The following GANC variants were observed in gnomAD, a reference collection of about 807,000 sequenced individuals.
GANC encodes the protein neutral alpha-glucosidase C.
A neutral mutation model predicts 124.2 loss-of-function variants in GANC; 117 were observed. The observed-to-expected ratio is 0.94, with a 90% CI of 0.81 to 1.10. The LOEUF (loss-of-function observed/expected upper bound fraction) is 1.10, where lower values mean the gene tolerates loss of function less well. GANC is among the 50% of genes least tolerant of loss of function. The probability of loss-of-function intolerance (pLI) is 0.00; values close to 1 mark genes in which losing one functional copy is unlikely to be tolerated. For synonymous variants in GANC, 377 were observed against 376.8 expected (o/e 1.00, Z -0.01); for missense variants, 1,140 against 1,095.0 (o/e 1.04, Z -0.58).
intron 10 of GANC, among the ~76,000 whole-genome samples, chr15:42,311,469 C>T (rs2052048977): frequency 6.6e-6 from 1 of 152,084 alleles, no homozygotes; most frequent in Non-Finnish European, 1.5e-5. Flanking sequence ...ATATATTAAT[C>T]CACTCTCACA....
intron 3 of GANC, among the ~76,000 whole-genome samples, chr15:42,281,436 CA>C (rs10718485): frequency 0.72 from 109,454 of 151,994 alleles, 42,205 homozygotes; most frequent in Non-Finnish European, 0.86. Context: ...ATAATCCCAG[CA>C]CTTTGGGAGG....
At chr15:42,337,672 C>T (rs148936092) in intron 15 of GANC, among the ~76,000 whole-genome samples, 15 of 152,294 alleles carry the variant, frequency 9.8e-5, no homozygotes, top group East Asian at 3.9e-4. Flanking sequence ...CTGTGACACA[C>T]GAGTTTACCA....
In GANC at chr15:42,281,231, C is replaced by T. The variant is rs1293008303; in HGVS notation, c.201+2641C>T. ...TTCGGGAGATCACCCTGAAATTCTG[C>T]ACTGAACTCCATTTTAATGTCCTCC... On this transcript the variant is annotated intron_variant, in intron 3 of 23. Coordinates refer to ENST00000318010, the MANE Select transcript of GANC (RefSeq NM_198141.3). 8 of 639,760 alleles carry T rather than the reference C, an allele frequency of 1.3e-5. No homozygotes were observed. The East Asian group carries it at 1.4e-4, about 11-fold the overall frequency. The allele number at this position is 639,760 out of a possible 1,614,324, so 39.6% of individuals were successfully genotyped here. A position where few individuals can be genotyped will look rare whatever the true frequency, so the allele number is the denominator to read the frequency against.
intron 15 of GANC, among the ~76,000 whole-genome samples, chr15:42,337,880 G>T (rs906136520): frequency 6.6e-6 from 1 of 152,064 alleles, no homozygotes; most frequent in African/African-American, 2.4e-5. Context: ...TGGCCAACAT[G>T]GTGAAACCCC....
rs1335276449 is a variant in GANC at position 42,353,352 on chromosome 15, A to G, written c.*1213A>G. 9 of 985,932 alleles carry G rather than the reference A, an allele frequency of 9.1e-6. No individual in the cohort carries two copies. The African/African-American group carries it at 1.2e-4, about 13-fold the overall frequency. The allele number at this position is 985,932 out of a possible 1,614,324, so 61.1% of individuals were successfully genotyped here. ...ATCCTCCTGCCCTTACCATCCTTCC[A>G]GGCCCAACTTAAATCCCACTTTCCC... is the stretch of plus-strand genomic sequence containing the variant. On this transcript the variant is annotated 3_prime_UTR_variant, in exon 24 of 24. Transcript: ENST00000318010.
chr15:42,285,451 G>A (rs1055174540), intron 3 of GANC, among the ~76,000 whole-genome samples: 1 of 152,176 alleles, frequency 6.6e-6, no homozygotes, highest in Non-Finnish European at 1.5e-5. Context: ...AGGAGGAAAT[G>A]CATACTAAGG....
chr15:42,286,073 T>A (rs2051784800), intron 3 of GANC, among the ~76,000 whole-genome samples: 1 of 151,916 alleles, frequency 6.6e-6, no homozygotes, highest in Admixed American at 6.6e-5. Context: ...AGTGAATAAC[T>A]AAATGTAAAT....
intron 6 of GANC, among the ~76,000 whole-genome samples, chr15:42,301,549 G>A (rs1322679434): frequency 6.6e-6 from 1 of 151,926 alleles, no homozygotes; most frequent in East Asian, 1.9e-4. Context: ...GGAGCCAAGT[G>A]GTCTAGCTCA....
At chr15:42,300,941 C>A (rs1451535134) in intron 6 of GANC, among the ~76,000 whole-genome samples, 1 of 151,530 alleles carries the variant, frequency 6.6e-6, no homozygotes, top group Non-Finnish European at 1.5e-5. Flanking sequence ...TCACATGAAC[C>A]TGGGAGGTGG....
intron 20 of GANC, among the ~76,000 whole-genome samples, 161 bp downstream of exon 20, chr15:42,345,993 T>C (rs113932115): frequency 0.097 from 14,751 of 152,270 alleles, 838 homozygotes; most frequent in South Asian, 0.18. Context: ...CAGCCGATTC[T>C]GTTCCTGGTG....
chr15:42,332,635 C>G (rs962924267), intron 15 of GANC, among the ~76,000 whole-genome samples: 1 of 152,052 alleles, frequency 6.6e-6, no homozygotes, highest in African/African-American at 2.4e-5. Context: ...ATACGGATTT[C>G]AAAATCATTA....
At position 42,273,540 on chromosome 15, in the gene GANC, C is replaced by A. The variant is rs958300404; in HGVS notation, c.-942C>A. 2.9e-6 allele frequency: 4 copies of A among 1,388,266 alleles called. No homozygotes were observed. The highest frequency in any genetic ancestry group is 1.5e-5 in the African/African-American group (1 of 67,396). The allele number at this position is 1,388,266 out of a possible 1,614,324, so 86.0% of individuals were successfully genotyped here. On this transcript the variant is annotated 5_prime_UTR_variant, in exon 1 of 24. Transcript: ENST00000318010. ...TGTTTGCTGTGCGGCGTAGCGGCCC[C>A]TCTCTCAGACAGTCGTCTGTGCGCC...
In GANC at chr15:42,273,563, G is replaced by A; in HGVS notation, c.-919G>A. The A allele has an allele frequency of 1.6e-6, 2 of 1,267,998 alleles. No individual in the cohort carries two copies. Among genetic ancestry groups the A allele is most frequent in the East Asian group, 2.6e-5 (1 of 39,174 alleles). The allele number at this position is 1,267,998 out of a possible 1,614,324, so 78.5% of individuals were successfully genotyped here. ...CCCTCTCTCAGACAGTCGTCTGTGC[G>A]CCGTGAGACTTTGGACCTACTGCGC... On this transcript the variant is annotated 5_prime_UTR_variant, in exon 1 of 24. Transcript: ENST00000318010.
intron 15 of GANC, among the ~76,000 whole-genome samples, chr15:42,338,185 GA>G (rs2052298551): frequency 6.6e-6 from 1 of 152,082 alleles, no homozygotes; most frequent in African/African-American, 2.4e-5. Context: ...TATTTTCCTA[GA>G]ATGTTTGTTT....
At chr15:42,316,543 C>G (rs1040168219) in intron 10 of GANC, among the ~76,000 whole-genome samples, 2 of 152,174 alleles carry the variant, frequency 1.3e-5, no homozygotes, top group Non-Finnish European at 2.9e-5. Flanking sequence ...TAAGAAAGAT[C>G]AAGGACTTTA....
At chr15:42,280,344 T>C (rs1047888569) in intron 3 of GANC, among the ~76,000 whole-genome samples, 1 of 152,184 alleles carries the variant, frequency 6.6e-6, no homozygotes, top group Non-Finnish European at 1.5e-5. Flanking sequence ...TTTATATTCT[T>C]ATTTATATAT....
chr15:42,320,975 T>C (rs1382997572), intron 10 of GANC, among the ~76,000 whole-genome samples: 2 of 152,200 alleles, frequency 1.3e-5, no homozygotes, highest in African/African-American at 4.8e-5. Context: ...CCCATTCTCT[T>C]TGTTTTTGTG....
chr15:42,333,754 C>T (rs1659212), intron 15 of GANC, among the ~76,000 whole-genome samples: 110,860 of 152,174 alleles, frequency 0.73, 43,031 homozygotes, highest in Middle Eastern at 0.87. Context: ...GGCATAACAC[C>T]TGGCTCAGTA....
In GANC at chr15:42,334,231, A is replaced by T. The variant is rs558039261; in HGVS notation, c.1741+3559A>T. Among the ~76,000 whole-genome samples, 15 of 151,814 alleles carry T rather than the reference A, an allele frequency of 9.9e-5. No individual in the cohort carries two copies. The East Asian group carries it at 2.9e-3, about 29-fold the overall frequency. On this transcript the variant is annotated intron_variant, in intron 15 of 23. Coordinates refer to ENST00000318010, the MANE Select transcript of GANC (RefSeq NM_198141.3). The stretch of plus-strand genomic sequence containing the variant: ...GGCTGGAATGCAATGGCATCATCTC[A>T]GATCACTGCAACCTCCACCTCCCGG...
Sources: gnomAD v4.1 joint callset for allele counts (sites outside exome capture counted in the v4.1 genomes callset) on GRCh38, gnomAD v4.1.1 for gene constraint, MANE v1.5 for transcripts, NCBI Gene and HGNC (gene_info 2026-07-23, HGNC 2026-07-21) for gene names.